Variants in FBXW4 observed in about 807,000 individuals in gnomAD.
FBXW4 encodes the protein F-box/WD repeat-containing protein 4.
In FBXW4, 40 loss-of-function variants were observed where a neutral mutation model predicts 61.8. The observed-to-expected ratio is 0.65, with a 90% CI of 0.50 to 0.84. The LOEUF is 0.84. Ranked by LOEUF, FBXW4 falls within the 40% of genes least tolerant of loss-of-function variation. FBXW4 has a pLI of 0.00. For missense variants in FBXW4, 672 were observed against 753.8 expected, an observed-to-expected ratio of 0.89 and a Z score of 1.27; for synonymous variants, 311 against 313.8, an observed-to-expected ratio of 0.99 and a Z score of 0.10.
rs764085032 is a variant in FBXW4, at chr10:101,653,849, G to A, written c.1235+14037C>T. Among the ~76,000 whole-genome samples, 32 of 152,084 alleles carry A rather than the reference G, an allele frequency of 2.1e-4. 1 individual carries two copies. The East Asian group carries it at 2.3e-3, about 11-fold the overall frequency. ...ATAAGACAGGCACTCGGGGCCAGGCGCAGTGGCTCACGACTGTAATCCCAG... is the reference window on the plus strand; with the variant it reads ...ATAAGACAGGCACTCGGGGCCAGGCACAGTGGCTCACGACTGTAATCCCAG... On this transcript the variant is annotated intron_variant, in intron 5 of 8. Coordinates refer to ENST00000331272, the MANE Select transcript of FBXW4 (RefSeq NM_022039.4).
At chr10:101,619,940 G>A (rs1271687361) in intron 6 of FBXW4, among the ~76,000 whole-genome samples, 1 of 152,196 alleles carries the variant, frequency 6.6e-6, no homozygotes, top group Non-Finnish European at 1.5e-5. Context: ...CATAGACGTG[G>A]GTGATGGCTC....
chr10:101,653,685 T>G (rs1030916721), intron 5 of FBXW4, among the ~76,000 whole-genome samples: 6 of 152,226 alleles, frequency 3.9e-5, no homozygotes, highest in Admixed American at 3.9e-4. Flanking sequence ...ACACTGCATA[T>G]ATAACCAAAT....
intron 1 of FBXW4, among the ~76,000 whole-genome samples, chr10:101,688,969 A>C (rs907600016): frequency 6.6e-6 from 1 of 152,204 alleles, no homozygotes; most frequent in Non-Finnish European, 1.5e-5. Flanking sequence ...GCCAGGGTCA[A>C]CCCAGAGCTA....
chr10:101,689,343 T>C (rs1308472285), intron 1 of FBXW4, among the ~76,000 whole-genome samples: 1 of 152,242 alleles, frequency 6.6e-6, no homozygotes, highest in Non-Finnish European at 1.5e-5. Flanking sequence ...TCTCATGGTC[T>C]TAGAGAAGGC....
intron 4 of FBXW4, among the ~76,000 whole-genome samples, chr10:101,671,386 T>C (rs2064357129): frequency 6.6e-6 from 1 of 152,240 alleles, no homozygotes; most frequent in South Asian, 2.1e-4. Context: ...GCACTTATTT[T>C]AGATCTTTTT....
chr10:101,674,253 T>TGGGAGGCGGAGGTTGCA (rs1469035457), intron 2 of FBXW4, among the ~76,000 whole-genome samples: 6 of 149,954 alleles, frequency 4.0e-5, no homozygotes, highest in Non-Finnish European at 7.4e-5. Context: ...CGCTTGAACC[T>TGGGAGGCGGAGGTTGCA]GGGAGGCGGA....
Position 101,672,876 on chromosome 10 carries a change from A to G in FBXW4, c.1140+39T>C, listed in dbSNP as rs775032387. 5.0e-6 allele frequency: 8 copies of G among 1,606,260 alleles called. No homozygotes were observed. In the Admixed American group the frequency reaches 1.2e-4, roughly 24 times the overall value. On this transcript the variant is annotated intron_variant, in intron 4 of 8. Coordinates refer to ENST00000331272, the MANE Select transcript of FBXW4 (RefSeq NM_022039.4). ...ATCTATCCACCCCCTCCCTATAGACAGGAGGGAGTAATAGTATGTAAGGGG... is the reference window on the plus strand; with the variant it reads ...ATCTATCCACCCCCTCCCTATAGACGGGAGGGAGTAATAGTATGTAAGGGG...
intron 4 of FBXW4, among the ~76,000 whole-genome samples, chr10:101,668,607 T>G (rs1310699765): frequency 6.6e-6 from 1 of 152,152 alleles, no homozygotes; most frequent in Admixed American, 6.5e-5. Flanking sequence ...CAGAAAAGCT[T>G]AACTCTTTTA....
chr10:101,661,679 C>T (rs1402635076), intron 5 of FBXW4, among the ~76,000 whole-genome samples: 1 of 152,194 alleles, frequency 6.6e-6, no homozygotes, highest in Non-Finnish European at 1.5e-5. Flanking sequence ...ATCCAGGGCA[C>T]CACAGGCAAG....
At chr10:101,675,625 C>A (rs1470390086) in intron 2 of FBXW4, among the ~76,000 whole-genome samples, 1 of 152,188 alleles carries the variant, frequency 6.6e-6, no homozygotes, top group African/African-American at 2.4e-5. Flanking sequence ...ATGAAGAGGG[C>A]CGCCTGTGTC....
intron 6 of FBXW4, among the ~76,000 whole-genome samples, chr10:101,614,928 G>C (rs955408926): frequency 3.3e-5 from 5 of 152,074 alleles, no homozygotes; most frequent in African/African-American, 1.2e-4. Context: ...TATTTAACTA[G>C]AAAACTCTAG....
At chr10:101,664,973 C>A (rs952850801) in intron 5 of FBXW4, among the ~76,000 whole-genome samples, 2 of 151,948 alleles carry the variant, frequency 1.3e-5, no homozygotes, top group African/African-American at 2.4e-5. Flanking sequence ...AGGCTGGGAG[C>A]GGGAATGACT....
At chr10:101,685,471 G>T (rs2134915943) in intron 1 of FBXW4, among the ~76,000 whole-genome samples, 1 of 152,258 alleles carries the variant, frequency 6.6e-6, no homozygotes, top group South Asian at 2.1e-4. Flanking sequence ...ATTTTACAGG[G>T]ATTTCTATCA....
chr10:101,645,921 G>A (rs892044606), intron 5 of FBXW4, among the ~76,000 whole-genome samples: 2 of 152,206 alleles, frequency 1.3e-5, no homozygotes, highest in Admixed American at 6.5e-5. Flanking sequence ...GACTCTGGCT[G>A]TTTAGTTAGC....
chr10:101,674,940 G>A (rs1242369851), intron 2 of FBXW4, among the ~76,000 whole-genome samples: 2 of 152,176 alleles, frequency 1.3e-5, no homozygotes, highest in Non-Finnish European at 2.9e-5. Context: ...GGAGTTACCA[G>A]GTCCCAAGAA....
At chr10:101,656,166 G>A (rs2064183674) in intron 5 of FBXW4, among the ~76,000 whole-genome samples, 2 of 152,166 alleles carry the variant, frequency 1.3e-5, no homozygotes, top group South Asian at 4.1e-4. Context: ...ACTGCCTTTT[G>A]GCCTGTTTTT....
At position 101,688,836 on chromosome 10, in the gene FBXW4, T is replaced by C. The variant is rs574591013; in HGVS notation, c.725+5545A>G. ...AAATTCAAAACCCAATTTTCTCCTCTTTTTTTCAAACAGTTGATCTCATCT... is the reference window on the plus strand; with the variant it reads ...AAATTCAAAACCCAATTTTCTCCTCCTTTTTTCAAACAGTTGATCTCATCT... On this transcript the variant is annotated intron_variant, in intron 1 of 8. Coordinates refer to ENST00000331272, the MANE Select transcript of FBXW4 (RefSeq NM_022039.4). Among the ~76,000 whole-genome samples the C allele has an allele frequency of 1.6e-4, 25 of 152,218 alleles. No homozygotes were observed. The East Asian group carries it at 4.6e-3, about 28-fold the overall frequency.
intron 5 of FBXW4, among the ~76,000 whole-genome samples, chr10:101,628,725 G>T (rs945328600): frequency 6.6e-6 from 1 of 152,190 alleles, no homozygotes; most frequent in Non-Finnish European, 1.5e-5. Context: ...GAGATGAGAG[G>T]TACCAACACC....
At chr10:101,619,663 A>G (rs544574502) in intron 6 of FBXW4, among the ~76,000 whole-genome samples, 3 of 151,792 alleles carry the variant, frequency 2.0e-5, no homozygotes, top group African/African-American at 4.8e-5. Flanking sequence ...TGTCTCAAAA[A>G]AAAAAAAAAA....
Sources: allele counts gnomAD v4.1 joint callset (sites outside exome capture counted in the v4.1 genomes callset), GRCh38; gene constraint gnomAD v4.1.1; transcripts MANE v1.5; gene names NCBI Gene and HGNC (gene_info 2026-07-23, HGNC 2026-07-21).